RP1L1: variants seen among roughly 807,000 people sequenced by gnomAD.
RP1L1 encodes the protein retinitis pigmentosa 1-like 1 protein.
Under a neutral mutation model 15.7 loss-of-function variants are expected in RP1L1, and 27 were observed. The ratio of observed to expected loss-of-function variants is 1.72; its 90% CI spans 1.27 to 2.38. The LOEUF (loss-of-function observed/expected upper bound fraction) is 2.38, where lower values mean the gene tolerates loss of function less well. RP1L1 is among the 30% of genes most tolerant of loss of function. RP1L1 has a pLI of 0.00. For synonymous variants in RP1L1, 1,813 were observed against 1,276.7 expected, an observed-to-expected ratio of 1.42 and a Z score of -8.96; for missense variants, 4,798 against 3,075.9, an observed-to-expected ratio of 1.56 and a Z score of -13.24.
At chr8:10,614,260 T>C (rs1199481198) in intron 3 of RP1L1, among the ~76,000 whole-genome samples, 1 of 152,214 alleles carries the variant, frequency 6.6e-6, no homozygotes, top group Non-Finnish European at 1.5e-5. Context: ...GATAAATGGC[T>C]GCAGGGAAGG....
intron 1 of RP1L1, among the ~76,000 whole-genome samples, chr8:10,624,841 G>C (rs957944046): frequency 3.3e-5 from 5 of 152,222 alleles, no homozygotes; most frequent in Non-Finnish European, 7.3e-5. Context: ...GAGTGGGTTT[G>C]AGTTGGGGTT....
rs768420439 is a variant in RP1L1 at position 10,610,314 on chromosome 8, A to G, written c.3784T>C (p.Leu1262=). The G allele has an allele frequency of 4.3e-6, 7 of 1,614,176 alleles. No individual in the cohort carries two copies. The highest frequency in any genetic ancestry group is 1.7e-5 in the Admixed American group (1 of 60,022). The change falls in exon 4 of 4, where the codon TTG becomes CTG. Residue 1262 remains leucine, a synonymous_variant. Transcript: ENST00000382483. ...NQQQCCFPTF[L]NARACACATN... ...GCACAAGCGCAGGCTCGGGCGTTCA[A>G]GAAGGTTGGGAAACAACACTGCTGT...
chr8:10,649,076 T>C (rs933593096), intron 1 of RP1L1, among the ~76,000 whole-genome samples: 1 of 152,232 alleles, frequency 6.6e-6, no homozygotes, highest in Non-Finnish European at 1.5e-5. Flanking sequence ...CTCTGTGGAA[T>C]AAAAGCCTTG....
In RP1L1 at chr8:10,622,664, C is replaced by A. The variant is rs181942944; in HGVS notation, c.538G>T (p.Ala180Ser). The A allele has an allele frequency of 1.9e-6, 3 of 1,614,216 alleles. No individual in the cohort carries two copies. In the East Asian group the frequency reaches 6.7e-5, roughly 36 times the overall value. The change falls in exon 2 of 4, where the codon GCC (alanine) becomes TCC (serine). Residue 180 changes from alanine to serine, a missense_variant. By Grantham distance (99) the Ala-to-Ser change is moderately conservative. Transcript: ENST00000382483. ...LSHRNTRNLA[A>S]FLGKASDLLR... ...AGATCTGAGGCTTTGCCGAGAAAGG[C>A]GGCCAGGTTCCTAGTATTCCTGTGA...
Position 10,610,492 on chromosome 8 carries a change from G to T in RP1L1, c.3606C>A (p.Asp1202Glu), listed in dbSNP as rs764190692. 24 of 1,613,676 alleles carry T rather than the reference G, an allele frequency of 1.5e-5. No individual in the cohort carries two copies. The South Asian group carries it at 2.5e-4, about 17-fold the overall frequency. Residue 1202 changes from aspartate (D) to glutamate (E), a missense_variant, in exon 4 of 4, where the codon GAC becomes GAA. Transcript: ENST00000382483. ...CTGAGCCTCCAGAGCCGCTGCTGAT[G>T]TCCACACCAGAGGAGGATGTGGGCG... ...NFTPTSSSGV[D>E]ISSGSGGSGE...
Position 10,611,069 on chromosome 8 carries a change from C to G in RP1L1, c.3029G>C (p.Gly1010Ala). 1 of 1,612,828 alleles carries G rather than the reference C, an allele frequency of 6.2e-7. No individual in the cohort carries two copies. The highest frequency in any genetic ancestry group is 8.5e-7 in the Non-Finnish European group (1 of 1,180,008). The change falls in exon 4 of 4, where the codon GGA becomes GCA. Residue 1010 changes from glycine (G) to alanine (A), a missense_variant. By Grantham distance (60) the Gly-to-Ala change is moderately conservative. Transcript: ENST00000382483. ...GGGGTCCCCTTCCAGGGACTGCTGTCCCGCCTGAGCTGGCTCCCCCAGGCC... is the reference window on the plus strand; with the variant it reads ...GGGGTCCCCTTCCAGGGACTGCTGTGCCGCCTGAGCTGGCTCCCCCAGGCC... ...LEGLGEPAQA[G>A]QQSLEGDPGQ... is the part of the protein sequence containing the mutation.
intron 2 of RP1L1, among the ~76,000 whole-genome samples, chr8:10,617,588 G>A (rs1486907032): frequency 1.9e-5 from 2 of 104,004 alleles, no homozygotes; most frequent in East Asian, 3.4e-4. Flanking sequence ...ACGGAGTCTC[G>A]ATCTGTCACC....
intron 1 of RP1L1, among the ~76,000 whole-genome samples, chr8:10,651,705 C>T (rs1471680149): frequency 2.7e-5 from 4 of 148,922 alleles, no homozygotes; most frequent in Non-Finnish European, 5.9e-5. Context: ...TGCAGTGAGC[C>T]GAGATCACGC....
Position 10,613,327 on chromosome 8 carries a change from G to T in RP1L1, c.771C>A (p.Thr257=), listed in dbSNP as rs1348819384. The T allele has an allele frequency of 1.2e-6, 2 of 1,600,530 alleles. No homozygotes were observed. The highest frequency in any genetic ancestry group is 2.2e-5 in the South Asian group (2 of 91,088). Residue 257 remains threonine, a synonymous_variant, in exon 4 of 4, where the codon ACC becomes ACA. Coordinates refer to ENST00000382483, the MANE Select transcript of RP1L1 (RefSeq NM_178857.6). The part of the protein sequence containing the change: ...RNKNGSWGPK[T]KPSVIHSRSP... ...ACCGCGAATGGATCACACTCGGCTT[G>T]GTCTTTGGCCCCCAGCTCCCTGGCA...
chr8:10,638,863 G>A (rs192110696), intron 1 of RP1L1, among the ~76,000 whole-genome samples: 2 of 152,120 alleles, frequency 1.3e-5, no homozygotes, highest in Middle Eastern at 3.2e-3. Context: ...AAGCAAGCAC[G>A]GCCAGGCATG....
intron 1 of RP1L1, among the ~76,000 whole-genome samples, chr8:10,651,262 C>T (rs1003361452): frequency 1.3e-5 from 2 of 152,198 alleles, no homozygotes; most frequent in Non-Finnish European, 2.9e-5. Context: ...GCCCAGCAAT[C>T]TGTGTTTTAC....
At chr8:10,628,484 C>G (rs529598648) in intron 1 of RP1L1, among the ~76,000 whole-genome samples, 7 of 152,116 alleles carry the variant, frequency 4.6e-5, no homozygotes, top group Non-Finnish European at 1.0e-4. Context: ...CCCTCCACCC[C>G]CAGCCCCAGA....
chr8:10,635,236 G>C (rs1290132996), intron 1 of RP1L1, among the ~76,000 whole-genome samples: 1 of 152,148 alleles, frequency 6.6e-6, no homozygotes, highest in Admixed American at 6.5e-5. Context: ...GGAGGAAATG[G>C]AGGCTCAGTT....
At chr8:10,614,671 A>AAG (rs1340415780) in intron 3 of RP1L1, among the ~76,000 whole-genome samples, 1 of 151,228 alleles carries the variant, frequency 6.6e-6, no homozygotes, top group African/African-American at 2.4e-5. Context: ...CAAAAAAAAA[A>AAG]AAAAAAAAGA....
intron 1 of RP1L1, among the ~76,000 whole-genome samples, chr8:10,640,970 C>T (rs897075923): frequency 4.6e-5 from 7 of 152,252 alleles, no homozygotes; most frequent in South Asian, 2.1e-4. Context: ...GAGGTTTTTC[C>T]GTGTTGCACA....
Position 10,616,429 on chromosome 8 carries a change from C to A in RP1L1, c.751+17G>T, listed in dbSNP as rs936162485. On this transcript the variant is annotated intron_variant, in intron 3 of 3. Transcript: ENST00000382483. ...TGCAGTGCAAATCAGATGGGGGAAA[C>A]CCAAAAACCAACTCACCGTTTTTGT... is the stretch of plus-strand genomic sequence containing the variant. 6 of 1,614,176 alleles carry A rather than the reference C, an allele frequency of 3.7e-6. No individual in the cohort carries two copies. Among genetic ancestry groups the A allele is most frequent in the Non-Finnish European group, 5.1e-6 (6 of 1,180,010 alleles).
At chr8:10,643,772 C>A (rs1410673436) in intron 1 of RP1L1, among the ~76,000 whole-genome samples, 1 of 152,028 alleles carries the variant, frequency 6.6e-6, no homozygotes, top group African/African-American at 2.4e-5. Flanking sequence ...TGCCTGGGGC[C>A]TCGCTGGCTA....
rs1249130340 is a variant in RP1L1 at position 10,612,431 on chromosome 8, G to T, written c.1667C>A (p.Pro556Gln). 6.2e-7 allele frequency: 1 copy of T among 1,612,646 alleles called. No individual in the cohort carries two copies. Among genetic ancestry groups the T allele is most frequent in the African/African-American group, 1.3e-5 (1 of 75,056 alleles). ...AGAGGTCTCGGCCCTTGCCTTGCCTGGACAGCCCTGGGGCCGCCCACCCCA... is the reference window on the plus strand; with the variant it reads ...AGAGGTCTCGGCCCTTGCCTTGCCTTGACAGCCCTGGGGCCGCCCACCCCA... ...SEWGGRPQGCPGKARAETSQQ... is the reference protein window; with the variant it reads ...SEWGGRPQGCQGKARAETSQQ... Residue 556 changes from proline (P) to glutamine (Q), a missense_variant, in exon 4 of 4, where the codon CCA becomes CAA. By Grantham distance (76) the Pro-to-Gln change is moderately conservative (BLOSUM62 -1). Coordinates refer to ENST00000382483, the MANE Select transcript of RP1L1 (RefSeq NM_178857.6).
At chr8:10,648,367 T>G (rs1394277488) in intron 1 of RP1L1, among the ~76,000 whole-genome samples, 1 of 152,110 alleles carries the variant, frequency 6.6e-6, no homozygotes, top group Non-Finnish European at 1.5e-5. Context: ...TGTTTGTTTT[T>G]TTAATAGTAC....
Sources: allele counts gnomAD v4.1 joint callset (sites outside exome capture counted in the v4.1 genomes callset), GRCh38; gene constraint gnomAD v4.1.1; transcripts MANE v1.5; gene names NCBI Gene and HGNC (gene_info 2026-07-23, HGNC 2026-07-21).